The following MORN1 variants were observed in gnomAD, a reference collection of about 807,000 sequenced individuals.
MORN1 encodes MORN repeat containing 1.
MORN1 carries 67 observed loss-of-function variants against 61.9 expected under a neutral mutation model. That is an observed-to-expected ratio of 1.08 (90% confidence interval 0.89 to 1.33). MORN1 has a LOEUF of 1.33. MORN1 is among the 40% of genes most tolerant of loss of function. The pLI is 0.00. For synonymous variants in MORN1, 301 were observed against 292.0 expected (o/e 1.03, Z -0.31); for missense variants, 752 against 691.2 (o/e 1.09, Z -0.99).
intron 10 of MORN1, among the ~76,000 whole-genome samples, chr1:2,339,894 G>A (rs967920291): frequency 4.6e-5 from 7 of 152,250 alleles, no homozygotes; most frequent in Non-Finnish European, 8.8e-5. Flanking sequence ...GTGTCCTGCG[G>A]GGCTGCTCCC....
At chr1:2,347,155 C>T (rs567112152) in intron 10 of MORN1, among the ~76,000 whole-genome samples, 24 of 152,324 alleles carry the variant, frequency 1.6e-4, no homozygotes, top group Middle Eastern at 6.8e-3. Flanking sequence ...CCTGGGATGC[C>T]GCCCCCACAC....
Position 2,357,595 on chromosome 1 carries a change from C to A in MORN1, c.873G>T (p.Gly291=). The A allele has an allele frequency of 6.3e-7, 1 of 1,589,726 alleles. No homozygotes were observed. The highest frequency in any genetic ancestry group is 8.6e-7 in the Non-Finnish European group (1 of 1,165,468). The change falls in exon 10 of 14, where the codon GGG becomes GGT. Residue 291 remains glycine, a synonymous_variant. Transcript: ENST00000378531. The surrounding 1 kb of genome is among the most constrained non-coding windows in gnomAD (Gnocchi z 6.3). ...NQETLIQTPF[G]FECIPYPVSS... ...ACACAGGATAAGGGATGCATTCGAACCCACTGCAAAGGAATGGGGGCAGCT... is the reference window on the plus strand; with the variant it reads ...ACACAGGATAAGGGATGCATTCGAAACCACTGCAAAGGAATGGGGGCAGCT...
At chr1:2,355,104 C>T (rs1557879227) in intron 10 of MORN1, 10 of 1,015,220 alleles carry the variant, frequency 9.9e-6, no homozygotes, top group East Asian at 8.5e-5. Context: ...GGGTAGGGTG[C>T]GATGCAGGCA....
chr1:2,368,646 C>G (rs181292073), intron 8 of MORN1, among the ~76,000 whole-genome samples: 99 of 152,310 alleles, frequency 6.5e-4, no homozygotes, highest in African/African-American at 2.3e-3. Flanking sequence ...ATTTCTCCAA[C>G]TAAGATCTAC....
chr1:2,359,903 A>G (rs973415070), intron 8 of MORN1, among the ~76,000 whole-genome samples: 3 of 151,548 alleles, frequency 2.0e-5, no homozygotes, highest in Non-Finnish European at 4.4e-5. Context: ...AAAGGGAAAC[A>G]AAAGAAGAAG....
rs115792812 is a variant in MORN1 at position 2,361,697 on chromosome 1, A to G, written c.746-2982T>C. 2.7e-3 allele frequency among the ~76,000 whole-genome samples: 409 copies of G among 152,336 alleles called. 4 individuals are homozygous for G. The highest frequency in any genetic ancestry group is 9.4e-3 in the African/African-American group (390 of 41,576). On this transcript the variant is annotated intron_variant, in intron 8 of 13. Coordinates refer to ENST00000378531, the MANE Select transcript of MORN1 (RefSeq NM_024848.3). ...ACATCGCAGAAGAAAAGATTTATGA[A>G]CCTGGAAATGCAGTTGACCCTTGGC...
intron 12 of MORN1, among the ~76,000 whole-genome samples, chr1:2,335,320 C>G (rs1641241497): frequency 6.6e-6 from 1 of 152,210 alleles, no homozygotes; most frequent in Non-Finnish European, 1.5e-5. Flanking sequence ...CCCGCCCCAC[C>G]CCCGGCGGAA....
At chr1:2,322,265 C>CG (rs1406320408) in intron 13 of MORN1, 9 of 985,318 alleles carry the variant, frequency 9.1e-6, no homozygotes, top group Non-Finnish European at 1.1e-5. Context: ...AAACCATCCT[C>CG]TCCCCTCCCC....
At chr1:2,330,748 C>G (rs559024049) in intron 12 of MORN1, among the ~76,000 whole-genome samples, 1 of 152,166 alleles carries the variant, frequency 6.6e-6, no homozygotes, top group Non-Finnish European at 1.5e-5. Flanking sequence ...TGCCTGTGGT[C>G]GGGCTGAGGG....
intron 6 of MORN1, among the ~76,000 whole-genome samples, chr1:2,380,465 C>T (rs1253460578): frequency 6.6e-6 from 1 of 152,186 alleles, no homozygotes; most frequent in African/African-American, 2.4e-5. Flanking sequence ...AGTGAGACCT[C>T]GCCTCTTCAA....
chr1:2,323,920 C>G lies in MORN1; in HGVS notation c.1297+177G>C, dbSNP rs79333251. 2.6e-3 allele frequency: 2,524 copies of G among 984,972 alleles called. 51 individuals are homozygous for G. The African/African-American group carries it at 0.042, about 16-fold the overall frequency. 61.0% of individuals were successfully genotyped at this position (984,972 alleles called of 1,614,324 possible). A position where few individuals can be genotyped will look rare whatever the true frequency, so the allele number is the denominator to read the frequency against. Reference sequence around the variant, plus strand: ...GTCCCCAGCCCCCAAGCCACCAGCCCCCTTCCCATTCAGGTCCCTGGGAGG... The same window carrying G: ...GTCCCCAGCCCCCAAGCCACCAGCCGCCTTCCCATTCAGGTCCCTGGGAGG... On this transcript the variant is annotated intron_variant, in intron 13 of 13. Coordinates refer to ENST00000378531, the MANE Select transcript of MORN1 (RefSeq NM_024848.3).
intron 2 of MORN1, 180 bp from the exon 3 acceptor site, chr1:2,388,517 G>C (rs1042147836): frequency 1.8e-6 from 1 of 571,268 alleles, no homozygotes; most frequent in African/African-American, 1.9e-5. Flanking sequence ...AATATCTGCC[G>C]AAACACGCTT....
intron 10 of MORN1, among the ~76,000 whole-genome samples, chr1:2,343,308 G>A (rs1158393927): frequency 2.6e-5 from 4 of 152,170 alleles, no homozygotes; most frequent in East Asian, 1.9e-4. Flanking sequence ...CCCGCTCCTC[G>A]CCTCCAGGAG....
chr1:2,387,223 G>A (rs1046828974), intron 4 of MORN1, 196 bp downstream of exon 4: 18 of 597,790 alleles, frequency 3.0e-5, no homozygotes, highest in Middle Eastern at 4.5e-4. Flanking sequence ...CGCAGGACCC[G>A]CTGGGCATAC....
Position 2,391,522 on chromosome 1 carries a change from C to G in MORN1, c.12G>C (p.Ala4=). MAA[A]GEGTPSSRGP... ...CGCGGGAGCTCGGGGTGCCCTCGCC[C>G]GCCGCTGCCATCTTGCCGCCGAGGG... Residue 4 remains alanine (A), a synonymous_variant, in exon 1 of 14, where the codon GCG becomes GCC. Coordinates refer to ENST00000378531, the MANE Select transcript of MORN1 (RefSeq NM_024848.3). 5.6e-6 allele frequency: 7 copies of G among 1,252,012 alleles called. No homozygotes were observed. Among genetic ancestry groups the G allele is most frequent in the Non-Finnish European group, 7.1e-6 (7 of 991,534 alleles). The allele number at this position is 1,252,012 out of a possible 1,614,324, so 77.6% of individuals were successfully genotyped here.
intron 4 of MORN1, chr1:2,386,263 C>A (rs2100372619): frequency 4.3e-6 from 1 of 231,560 alleles, no homozygotes; most frequent in East Asian, 1.0e-4. Flanking sequence ...GCAGTTTGGG[C>A]CTGTCGTTTG....
At chr1:2,343,535 C>T (rs1641446862) in intron 10 of MORN1, among the ~76,000 whole-genome samples, 1 of 152,210 alleles carries the variant, frequency 6.6e-6, no homozygotes, top group South Asian at 2.1e-4. Flanking sequence ...AGACTCGGGC[C>T]TGGGGGCCTG....
At chr1:2,389,256 G>A (rs111298664) in intron 2 of MORN1, among the ~76,000 whole-genome samples, 2,771 of 152,280 alleles carry the variant, frequency 0.018, 86 homozygotes, top group African/African-American at 0.063. Context: ...AGGTGTTATC[G>A]ACTTTATACT....
At chr1:2,383,022 C>T (rs915982837) in intron 6 of MORN1, among the ~76,000 whole-genome samples, 3 of 152,148 alleles carry the variant, frequency 2.0e-5, no homozygotes, top group Admixed American at 6.5e-5. Context: ...GGCCCTGCTG[C>T]GGGCAGCTGT....
Sources: gnomAD v4.1 joint callset for allele counts (sites outside exome capture counted in the v4.1 genomes callset) on GRCh38, gnomAD v4.1.1 for gene constraint, Gnocchi (gnomAD v3.1) non-coding constraint, MANE v1.5 for transcripts, NCBI Gene and HGNC (gene_info 2026-07-23, HGNC 2026-07-21) for gene names.